APC: variants seen among roughly 807,000 people sequenced by gnomAD.
APC encodes the protein adenomatous polyposis coli protein.
A neutral mutation model predicts 247.0 loss-of-function variants in APC; 72 were observed. The ratio of observed to expected loss-of-function variants is 0.29; its 90% CI spans 0.24 to 0.35. APC has a LOEUF of 0.35. Among genes scored for constraint, APC ranks in the 10% least tolerant of loss-of-function variants. APC has a pLI of 1.00. For missense variants in APC, 3,400 were observed against 3,360.7 expected (o/e 1.01, Z -0.29); for synonymous variants, 1,254 against 1,162.5 (o/e 1.08, Z -1.60).
At chr5:112,754,816 A>G in intron 1 of APC, 57 bp from the exon 2 acceptor site, 1 of 1,554,174 alleles carries the variant, frequency 6.4e-7, no homozygotes. Flanking sequence ...TTCTTTAAAA[A>G]CAAGCAGCCA....
rs1245135729 is a variant in APC at position 112,843,495 on chromosome 5, C to T, written c.7901C>T (p.Ala2634Val). The T allele has an allele frequency of 6.2e-7, 1 of 1,613,888 alleles. No homozygotes were observed. The highest frequency in any genetic ancestry group is 8.5e-7 in the Non-Finnish European group (1 of 1,179,806). The change falls in exon 16 of 16, where the codon GCT (alanine) becomes GTT (valine). Residue 2634 changes from alanine to valine, a missense_variant. Transcript: ENST00000257430. This position sits in a 1 kb window ranked among gnomAD's most constrained non-coding sequence, Gnocchi z 4.8. ...ACTTCTCAGACCGTTTCCTCAGGTG[C>T]TACAAATGGTGCTGAATCAAAGACT... ...NSTSQTVSSG[A>V]TNGAESKTLI...
intron 9 of APC, among the ~76,000 whole-genome samples, chr5:112,817,871 A>C (rs1197886888): frequency 6.6e-6 from 1 of 152,214 alleles, no homozygotes; most frequent in Non-Finnish European, 1.5e-5. Flanking sequence ...GGTGGAGCCA[A>C]AATTTGAACC....
chr5:112,768,954 ATC>A (rs1460748850), intron 4 of APC, among the ~76,000 whole-genome samples: 7 of 150,366 alleles, frequency 4.7e-5, no homozygotes, highest in Non-Finnish European at 1.0e-4. Context: ...TCTTTAACAA[ATC>A]TCTCTTTATC....
At chr5:112,833,756 T>C (rs1422725339) in intron 14 of APC, among the ~76,000 whole-genome samples, 1 of 152,252 alleles carries the variant, frequency 6.6e-6, no homozygotes, top group Non-Finnish European at 1.5e-5. Context: ...GTGGGGAATT[T>C]TAAGAAATTA....
chr5:112,842,643 C>G lies in APC; in HGVS notation c.7049C>G (p.Ser2350Cys), dbSNP rs75207119. The change falls in exon 16 of 16, where the codon TCC becomes TGC. Residue 2350 changes from serine (S) to cysteine (C), a missense_variant. Ser to Cys is a moderately radical substitution (Grantham distance 112, BLOSUM62 -1). This residue lies in a region of APC where 1,788 missense variants were observed against 1,649.5 expected (regional missense o/e 1.08). Transcript: ENST00000257430. The stretch of plus-strand genomic sequence containing the variant: ...TTATCTCAACTTCCAAGGACATCAT[C>G]CCCTAGTACTGCTTCAACTAAGTCC... ...NKLSQLPRTSSPSTASTKSSG... is the reference protein window; with the variant it reads ...NKLSQLPRTSCPSTASTKSSG... The G allele has an allele frequency of 6.2e-7, 1 of 1,613,840 alleles. No individual in the cohort carries two copies. The highest frequency in any genetic ancestry group is 1.1e-5 in the South Asian group (1 of 91,076).
In APC at chr5:112,840,847, G is replaced by A. The variant is rs1554086570; in HGVS notation, c.5253G>A (p.Gln1751=). The A allele has an allele frequency of 6.2e-7, 1 of 1,614,112 alleles. No individual in the cohort carries two copies. Among genetic ancestry groups the A allele is most frequent in the Admixed American group, 1.7e-5 (1 of 60,008 alleles). The change falls in exon 16 of 16, where the codon CAG becomes CAA. Residue 1751 remains glutamine, a synonymous_variant. Transcript: ENST00000257430. This position sits in a 1 kb window ranked among gnomAD's most constrained non-coding sequence, Gnocchi z 4.1. ...TGAAAAAGATAATGGACCAGGTCCA[G>A]CAAGCATCTGCGTCTTCTTCTGCAC... ...FRVKKIMDQV[Q]QASASSSAPN... is the part of the protein sequence containing the mutation.
chr5:112,745,555 T>A (rs1753556304), intron 1 of APC, among the ~76,000 whole-genome samples: 1 of 143,906 alleles, frequency 6.9e-6, no homozygotes, highest in Non-Finnish European at 1.5e-5. Flanking sequence ...CACTTTATTA[T>A]TATTATTATT....
intron 7 of APC, among the ~76,000 whole-genome samples, chr5:112,796,323 C>T (rs1010238837): frequency 1.4e-4 from 21 of 152,162 alleles, no homozygotes; most frequent in African/African-American, 4.6e-4. Flanking sequence ...GAGTATCCCC[C>T]CTTCCCCAAA....
intron 2 of APC, among the ~76,000 whole-genome samples, chr5:112,761,045 G>A (rs566746345): frequency 7.9e-5 from 12 of 152,158 alleles, no homozygotes; most frequent in Non-Finnish European, 1.3e-4. Context: ...TCCTGACCTC[G>A]TGATCCACCT....
intron 4 of APC, among the ~76,000 whole-genome samples, chr5:112,772,468 C>T (rs756214643): frequency 6.6e-6 from 1 of 151,984 alleles, no homozygotes; most frequent in Non-Finnish European, 1.5e-5. Flanking sequence ...TACTTCAACA[C>T]TGCCACTGAC....
At chr5:112,782,065 C>T (rs1030387171) in intron 6 of APC, among the ~76,000 whole-genome samples, 6 of 152,148 alleles carry the variant, frequency 3.9e-5, no homozygotes, top group South Asian at 2.1e-4. Flanking sequence ...AATACATACC[C>T]GAGACTGGGC....
intron 8 of APC, among the ~76,000 whole-genome samples, chr5:112,808,034 A>G (rs1761596925): frequency 6.6e-6 from 1 of 152,176 alleles, no homozygotes; most frequent in Admixed American, 6.6e-5. Context: ...GCACACGTGT[A>G]GTCCCAGCTA....
At chr5:112,785,007 T>G (rs970321457) in intron 6 of APC, among the ~76,000 whole-genome samples, 3 of 152,082 alleles carry the variant, frequency 2.0e-5, no homozygotes, top group African/African-American at 4.8e-5. Context: ...GAGGTTGCAG[T>G]GAGCTATGAT....
rs536952965 is a variant in APC at position 112,799,893 on chromosome 5, C to G, written c.730-1386C>G. Among the ~76,000 whole-genome samples the G allele has an allele frequency of 6.6e-4, 101 of 152,272 alleles. 1 individual carries two copies. The South Asian group carries it at 0.019, about 29-fold the overall frequency. On this transcript the variant is annotated intron_variant, in intron 7 of 15. Transcript: ENST00000257430. ...AGAACACTCATCCTCTACTCCTCCC[C>G]TTTGCCTAGTTAACTCCTATTTACT...
chr5:112,755,685 C>T (rs1437385504), intron 2 of APC, among the ~76,000 whole-genome samples: 4 of 152,168 alleles, frequency 2.6e-5, no homozygotes, highest in African/African-American at 7.2e-5. Context: ...GTTAGAAAAT[C>T]GTCTATAGTG....
intron 7 of APC, among the ~76,000 whole-genome samples, chr5:112,792,927 A>G (rs1325218969): frequency 1.3e-5 from 2 of 152,192 alleles, no homozygotes; most frequent in Non-Finnish European, 1.5e-5. Context: ...TGAAAGAGGC[A>G]TTAAGACCAG....
Position 112,843,532 on chromosome 5 carries a change from A to G in APC, c.7938A>G (p.Gln2646=), listed in dbSNP as rs1580688401. The change falls in exon 16 of 16, where the codon CAA becomes CAG. Residue 2646 remains glutamine, a synonymous_variant. Transcript: ENST00000257430. The surrounding 1 kb of genome is among the most constrained non-coding windows in gnomAD (Gnocchi z 4.8). ...NGAESKTLIY[Q]MAPAVSKTED... ...CTGAATCAAAGACTCTAATTTATCAAATGGCACCTGCTGTTTCTAAAACAG... is the reference window on the plus strand; with the variant it reads ...CTGAATCAAAGACTCTAATTTATCAGATGGCACCTGCTGTTTCTAAAACAG... 6.2e-7 allele frequency: 1 copy of G among 1,613,658 alleles called. No individual in the cohort carries two copies. Among genetic ancestry groups the G allele is most frequent in the Non-Finnish European group, 8.5e-7 (1 of 1,179,632 alleles).
intron 2 of APC, among the ~76,000 whole-genome samples, chr5:112,764,300 C>G (rs1756024077): frequency 6.6e-6 from 1 of 150,884 alleles, no homozygotes; most frequent in Non-Finnish European, 1.5e-5. Flanking sequence ...AAAGGCTGCT[C>G]TGACAGCTCT....
chr5:112,827,378 T>C, intron 12 of APC, 131 bp downstream of exon 12: 3 of 1,044,092 alleles, frequency 2.9e-6, no homozygotes, highest in Non-Finnish European at 4.3e-6. Context: ...AAACCTGTGC[T>C]TCACATTCGC....
Sources: allele counts gnomAD v4.1 joint callset (sites outside exome capture counted in the v4.1 genomes callset), GRCh38; gene constraint gnomAD v4.1.1; regional missense constraint gnomAD v4.1.1; non-coding constraint Gnocchi (gnomAD v3.1); transcripts MANE v1.5; gene names NCBI Gene and HGNC (gene_info 2026-07-23, HGNC 2026-07-21).